The following HDGFL3 variants were observed in gnomAD, a reference collection of about 807,000 sequenced individuals.
HDGFL3 encodes hepatoma-derived growth factor-related protein 3.
A neutral mutation model predicts 27.6 loss-of-function variants in HDGFL3; 6 were observed. The observed-to-expected ratio is 0.22, with a 90% CI of 0.12 to 0.43. The LOEUF is 0.43. Among genes scored for constraint, HDGFL3 ranks in the 20% least tolerant of loss-of-function variants. The pLI is 1.00. For missense variants in HDGFL3, 207 were observed against 250.1 expected (o/e 0.83, Z 1.16); for synonymous variants, 88 against 88.9 (o/e 0.99, Z 0.05).
At chr15:83,152,683 GAAA>G (rs534112117) in intron 4 of HDGFL3, among the ~76,000 whole-genome samples, 1 of 78,718 alleles carries the variant, frequency 1.3e-5, no homozygotes, top group Non-Finnish European at 2.5e-5. Flanking sequence ...ACTCTGTCTC[GAAA>G]AAAAAAAAAA....
chr15:83,139,278 G>C lies in HDGFL3; in HGVS notation c.607-3C>G. 7.4e-7 allele frequency: 1 copy of C among 1,345,438 alleles called. No individual in the cohort carries two copies. The highest frequency in any genetic ancestry group is 1.5e-5 in the South Asian group (1 of 65,260). 83.3% of individuals were successfully genotyped at this position (1,345,438 alleles called of 1,614,324 possible). A position where few individuals can be genotyped will look rare whatever the true frequency, so the allele number is the denominator to read the frequency against. On this transcript the variant is annotated splice_region_variant and splice_polypyrimidine_tract_variant and intron_variant, in intron 5 of 5. Transcript: ENST00000299633. ...AGCATTCATTATGGTAGTTAGGTCT[G>C]TAAAAAAAAAAAAAAGAAAGAAAAC...
At chr15:83,168,655 A>G (rs982833955) in intron 1 of HDGFL3, among the ~76,000 whole-genome samples, 3 of 152,178 alleles carry the variant, frequency 2.0e-5, no homozygotes, top group African/African-American at 7.2e-5. Flanking sequence ...CCTACCCCAA[A>G]AAAGTCTCAG....
chr15:83,132,234 T>C lies in HDGFL3; in HGVS notation c.*7036A>G, dbSNP rs900460166. 6.6e-6 allele frequency: 1 copy of C among 152,242 alleles called. No individual in the cohort carries two copies. Among genetic ancestry groups the C allele is most frequent in the African/African-American group, 2.4e-5 (1 of 41,454 alleles). 9.4% of individuals were successfully genotyped at this position (152,242 alleles called of 1,614,324 possible). A position where few individuals can be genotyped will look rare whatever the true frequency, so the allele number is the denominator to read the frequency against. ...TGTTGCTACTATTACTGGTAGAAGA[T>C]TCCCAGTAAGAATTTGGAGATATGC... On this transcript the variant is annotated 3_prime_UTR_variant, in exon 6 of 6. Transcript: ENST00000299633.
At chr15:83,151,782 T>G (rs2036966692) in intron 4 of HDGFL3, among the ~76,000 whole-genome samples, 1 of 152,172 alleles carries the variant, frequency 6.6e-6, no homozygotes, top group African/African-American at 2.4e-5. Context: ...AGAAGTGAGG[T>G]GAACTATCCA....
intron 3 of HDGFL3, among the ~76,000 whole-genome samples, chr15:83,118,689 T>C (rs1370760428): frequency 1.3e-5 from 2 of 152,126 alleles, no homozygotes; most frequent in African/African-American, 4.8e-5. Context: ...TCTTCCTTGT[T>C]GTAGAAAGGA....
exon 4 of HDGFL3, chr15:83,112,761 T>G (rs1386822928): frequency 6.8e-7 from 1 of 1,470,794 alleles, no homozygotes; most frequent in South Asian, 1.1e-5. Flanking sequence ...TGTGTTTATT[T>G]TGATAGTGAC....
intron 1 of HDGFL3, among the ~76,000 whole-genome samples, chr15:83,185,569 G>A (rs1272648570): frequency 1.3e-5 from 2 of 152,210 alleles, no homozygotes; most frequent in African/African-American, 2.4e-5. Context: ...ACCCGGAGGC[G>A]AGAGGATCAT....
In HDGFL3 at chr15:83,164,012, C is replaced by CA; in HGVS notation, c.147dup (p.Gly50TrpfsTer4). On this transcript the variant is annotated frameshift_variant, in exon 2 of 6. Transcript: ENST00000299633. LOFTEE classifies it high-confidence loss of function. ...TTGCTAACTTACGTTTCATGGGTGC[C>CA]AAAAAAGAAGATAGGATACTTGTTT... is the stretch of plus-strand genomic sequence containing the variant. 1 of 1,611,812 alleles carries CA rather than the reference C, an allele frequency of 6.2e-7. No homozygotes were observed. The highest frequency in any genetic ancestry group is 1.7e-5 in the Admixed American group (1 of 59,670).
intron 1 of HDGFL3, among the ~76,000 whole-genome samples, chr15:83,170,814 A>C (rs2037236018): frequency 6.6e-6 from 1 of 151,848 alleles, no homozygotes; most frequent in African/African-American, 2.4e-5. Context: ...ATATCTGCAA[A>C]CTATGCATCC....
chr15:83,207,091 G>T lies in HDGFL3; in HGVS notation c.84+240C>A, dbSNP rs1230768072. ...GGAAGGCAGCGTCGGGCCTGCGGGG[G>T]CCGGACCCGCCTTCGAAAGTGGGCG... On this transcript the variant is annotated intron_variant, in intron 1 of 5. Transcript: ENST00000299633. This position sits in a 1 kb window ranked among gnomAD's most constrained non-coding sequence, Gnocchi z 4.8. Among the ~76,000 whole-genome samples, 2 of 152,192 alleles carry T rather than the reference G, an allele frequency of 1.3e-5. No homozygotes were observed. Among genetic ancestry groups the T allele is most frequent in the African/African-American group, 4.8e-5 (2 of 41,466 alleles).
At chr15:83,183,482 T>C (rs890106736) in intron 1 of HDGFL3, among the ~76,000 whole-genome samples, 31 of 152,084 alleles carry the variant, frequency 2.0e-4, no homozygotes, top group African/African-American at 7.5e-4. Flanking sequence ...GCACCTTGGC[T>C]GGGCATGGTG....
intron 4 of HDGFL3, among the ~76,000 whole-genome samples, chr15:83,152,190 C>G (rs1260008086): frequency 6.6e-6 from 1 of 152,238 alleles, no homozygotes; most frequent in Non-Finnish European, 1.5e-5. Context: ...CAAGTTACTT[C>G]TGGTCTTCCA....
At chr15:83,156,092 T>G (rs762305613) in intron 4 of HDGFL3, among the ~76,000 whole-genome samples, 1 of 152,230 alleles carries the variant, frequency 6.6e-6, no homozygotes, top group African/African-American at 2.4e-5. Context: ...AATTAGGCCT[T>G]TGCCAGCCTT....
At chr15:83,189,751 A>G (rs2037488676) in intron 1 of HDGFL3, among the ~76,000 whole-genome samples, 1 of 152,208 alleles carries the variant, frequency 6.6e-6, no homozygotes, top group Non-Finnish European at 1.5e-5. Flanking sequence ...TGGGAATTCA[A>G]TCATTTTTTT....
chr15:83,176,721 C>T (rs1451059928), intron 1 of HDGFL3, among the ~76,000 whole-genome samples: 1 of 152,110 alleles, frequency 6.6e-6, no homozygotes, highest in Non-Finnish European at 1.5e-5. Context: ...TAAGAGATTT[C>T]ATCCTCTTGC....
At position 83,207,447 on chromosome 15, in the gene HDGFL3, C is replaced by G. The variant is rs749933591; in HGVS notation, c.-33G>C. ...GCTCCCCTTCCTGGTAGTCCTTGGTCGCCGCGAAGATGCCGGGAGGCCGCC... is the reference window on the plus strand; with the variant it reads ...GCTCCCCTTCCTGGTAGTCCTTGGTGGCCGCGAAGATGCCGGGAGGCCGCC... On this transcript the variant is annotated 5_prime_UTR_variant, in exon 1 of 6. Coordinates refer to ENST00000299633, the MANE Select transcript of HDGFL3 (RefSeq NM_016073.4). This position sits in a 1 kb window ranked among gnomAD's most constrained non-coding sequence, Gnocchi z 4.8. The G allele has an allele frequency of 1.2e-4, 156 of 1,272,040 alleles. 1 individual carries two copies. Among genetic ancestry groups the G allele is most frequent in the Non-Finnish European group, 1.5e-4 (150 of 1,000,002 alleles). The allele number at this position is 1,272,040 out of a possible 1,614,324, so 78.8% of individuals were successfully genotyped here. A position where few individuals can be genotyped will look rare whatever the true frequency, so the allele number is the denominator to read the frequency against.
intron 5 of HDGFL3, among the ~76,000 whole-genome samples, chr15:83,147,930 T>C (rs1294095127): frequency 6.6e-6 from 1 of 151,964 alleles, no homozygotes; most frequent in Non-Finnish European, 1.5e-5. Context: ...GTCCTACAAA[T>C]CAGTAAGAAA....
intron 1 of HDGFL3, among the ~76,000 whole-genome samples, chr15:83,192,736 G>C (rs954723572): frequency 6.6e-6 from 1 of 152,160 alleles, no homozygotes; most frequent in African/African-American, 2.4e-5. Flanking sequence ...TGAGTCTTAA[G>C]ATATGCCTGT....
intron 5 of HDGFL3, among the ~76,000 whole-genome samples, chr15:83,149,362 G>C (rs190911502): frequency 6.6e-6 from 1 of 152,312 alleles, no homozygotes; most frequent in East Asian, 1.9e-4. Context: ...AGGATATATA[G>C]AATGAAAACG....
Sources: allele counts gnomAD v4.1 joint callset (sites outside exome capture counted in the v4.1 genomes callset), GRCh38; gene constraint gnomAD v4.1.1; non-coding constraint Gnocchi (gnomAD v3.1); transcripts MANE v1.5; gene names NCBI Gene and HGNC (gene_info 2026-07-23, HGNC 2026-07-21).